Variants in ADAMTSL1 observed in about 807,000 individuals in gnomAD.
ADAMTSL1 encodes ADAMTS like 1, also known as ADAMTS-like protein 1.
ADAMTSL1 carries 126 observed loss-of-function variants against 201.8 expected under a neutral mutation model. The observed-to-expected ratio is 0.62, with a 90% CI of 0.54 to 0.72. ADAMTSL1 has a LOEUF of 0.72. ADAMTSL1 is among the 30% of genes least tolerant of loss of function. The pLI is 0.00. For missense variants in ADAMTSL1, 2,679 were observed against 2,277.8 expected, an observed-to-expected ratio of 1.18 and a Z score of -3.59; for synonymous variants, 1,121 against 903.4, an observed-to-expected ratio of 1.24 and a Z score of -4.32.
At chr9:18,521,706 C>T (rs1379917166) in intron 2 of ADAMTSL1, among the ~76,000 whole-genome samples, 1 of 151,990 alleles carries the variant, frequency 6.6e-6, no homozygotes, top group Non-Finnish European at 1.5e-5. Flanking sequence ...AATGCTTTTA[C>T]ATAAACAAGT....
At chr9:18,814,507 G>A (rs184108275) in intron 20 of ADAMTSL1, among the ~76,000 whole-genome samples, 49 of 152,188 alleles carry the variant, frequency 3.2e-4, no homozygotes, top group African/African-American at 9.9e-4. Flanking sequence ...AAGGAACTCC[G>A]ACAACTCAAC....
At chr9:18,587,263 C>A (rs1390234338) in intron 4 of ADAMTSL1, among the ~76,000 whole-genome samples, 2 of 151,824 alleles carry the variant, frequency 1.3e-5, no homozygotes, top group Admixed American at 6.6e-5. Context: ...AAACAAACCA[C>A]CCCAAGAAAC....
intron 1 of ADAMTSL1, among the ~76,000 whole-genome samples, chr9:18,088,281 A>C (rs942474276): frequency 6.6e-6 from 1 of 152,182 alleles, no homozygotes; most frequent in African/African-American, 2.4e-5. Flanking sequence ...AAGACTGGAA[A>C]CTGAAAAATC....
At chr9:18,479,385 A>G (rs1256612275) in intron 1 of ADAMTSL1, among the ~76,000 whole-genome samples, 1 of 152,202 alleles carries the variant, frequency 6.6e-6, no homozygotes, top group African/African-American at 2.4e-5. Context: ...GTTTTGCTGT[A>G]TCCACAAGCA....
At chr9:17,966,866 G>C (rs1182634443) in intron 1 of ADAMTSL1, among the ~76,000 whole-genome samples, 1 of 152,036 alleles carries the variant, frequency 6.6e-6, no homozygotes, top group Admixed American at 6.6e-5. Context: ...AAAAGAAAAA[G>C]GGTGTAATAT....
In ADAMTSL1 at chr9:18,582,827, C is replaced by T. The variant is rs187584908; in HGVS notation, c.474+8561C>T. On this transcript the variant is annotated intron_variant, in intron 4 of 28. Coordinates refer to ENST00000380548, the MANE Select transcript of ADAMTSL1 (RefSeq NM_001040272.6). ...TTGCACCACTGCACTCCAGCCTGGG[C>T]GACACAACGAGACTCCATCTCAAAA... Among the ~76,000 whole-genome samples the T allele has an allele frequency of 8.8e-4, 131 of 148,942 alleles. 2 individuals carry two copies. In the East Asian group the frequency reaches 0.014, roughly 16 times the overall value.
At chr9:18,522,866 G>A (rs1478140109) in intron 2 of ADAMTSL1, among the ~76,000 whole-genome samples, 1 of 152,098 alleles carries the variant, frequency 6.6e-6, no homozygotes, top group East Asian at 1.9e-4. Flanking sequence ...TTGGTTCCAA[G>A]TCTTTGCTAT....
intron 4 of ADAMTSL1, among the ~76,000 whole-genome samples, chr9:18,605,564 G>C (rs1341769196): frequency 1.3e-5 from 2 of 152,172 alleles, no homozygotes; most frequent in African/African-American, 4.8e-5. Flanking sequence ...AAGAAGAACA[G>C]AAAAGACAGC....
intron 2 of ADAMTSL1, among the ~76,000 whole-genome samples, chr9:18,191,746 C>G (rs944451179): frequency 6.6e-6 from 1 of 152,162 alleles, no homozygotes; most frequent in African/African-American, 2.4e-5. Flanking sequence ...TAACTGGCAT[C>G]AATTCTTAGA....
intron 1 of ADAMTSL1, among the ~76,000 whole-genome samples, chr9:17,949,941 C>G (rs900618501): frequency 6.6e-6 from 1 of 151,784 alleles, no homozygotes; most frequent in Non-Finnish European, 1.5e-5. Context: ...TTTTTTGAGA[C>G]GGTGTCTGGC....
At chr9:18,824,848 C>T (rs1242311460) in intron 21 of ADAMTSL1, among the ~76,000 whole-genome samples, 2 of 152,016 alleles carry the variant, frequency 1.3e-5, no homozygotes, top group Non-Finnish European at 2.9e-5. Context: ...CAGGTGCCCA[C>T]CACCATGCCT....
At chr9:18,277,568 T>C (rs1832632095) in intron 2 of ADAMTSL1, among the ~76,000 whole-genome samples, 1 of 152,212 alleles carries the variant, frequency 6.6e-6, no homozygotes, top group African/African-American at 2.4e-5. Context: ...TTAAAGCCTA[T>C]TTTGTCTCAT....
At chr9:18,613,814 A>T (rs1825538568) in intron 4 of ADAMTSL1, among the ~76,000 whole-genome samples, 1 of 152,154 alleles carries the variant, frequency 6.6e-6, no homozygotes, top group African/African-American at 2.4e-5. Flanking sequence ...AGTAATCTGT[A>T]CAATATAGCC....
intron 2 of ADAMTSL1, among the ~76,000 whole-genome samples, chr9:18,531,096 G>C (rs1240609236): frequency 6.6e-6 from 1 of 152,090 alleles, no homozygotes; most frequent in Non-Finnish European, 1.5e-5. Context: ...CTTTTCTTAG[G>C]GGTGTACTCA....
At chr9:17,919,649 A>T (rs1826229643) in intron 1 of ADAMTSL1, among the ~76,000 whole-genome samples, 1 of 152,120 alleles carries the variant, frequency 6.6e-6, no homozygotes, top group Non-Finnish European at 1.5e-5. Context: ...ATATATCAGT[A>T]CTTCATTCCT....
intron 1 of ADAMTSL1, among the ~76,000 whole-genome samples, chr9:18,083,761 A>T (rs1823618511): frequency 6.6e-6 from 1 of 152,218 alleles, no homozygotes. Context: ...TATTCTGTAT[A>T]ATTTGTAAAT....
At chr9:18,774,408 C>A (rs1368629082) in intron 17 of ADAMTSL1, among the ~76,000 whole-genome samples, 1 of 152,000 alleles carries the variant, frequency 6.6e-6, no homozygotes, top group Non-Finnish European at 1.5e-5. Flanking sequence ...CCTTGGGACT[C>A]CTACACTGAA....
chr9:18,361,844 T>C (rs1448715619), intron 2 of ADAMTSL1, among the ~76,000 whole-genome samples: 2 of 152,192 alleles, frequency 1.3e-5, no homozygotes, highest in Non-Finnish European at 2.9e-5. Context: ...CCAGCAAGTT[T>C]TAGCCTGCAT....
chr9:18,721,069 A>G (rs1020940027), intron 14 of ADAMTSL1, among the ~76,000 whole-genome samples: 2 of 152,246 alleles, frequency 1.3e-5, no homozygotes, highest in African/African-American at 4.8e-5. Context: ...AGACCTCAAG[A>G]GCCCAGCAGT....
Sources: gnomAD v4.1 joint callset for allele counts (sites outside exome capture counted in the v4.1 genomes callset) on GRCh38, gnomAD v4.1.1 for gene constraint, MANE v1.5 for transcripts, NCBI Gene and HGNC (gene_info 2026-07-23, HGNC 2026-07-21) for gene names.